ST13: variants seen among roughly 807,000 people sequenced by gnomAD.
ST13 encodes ST13 Hsp70 interacting protein, also known as hsc70-interacting protein.
ST13 carries 23 observed loss-of-function variants against 56.7 expected under a neutral mutation model. That is an observed-to-expected ratio of 0.41 (90% CI 0.29 to 0.57). The LOEUF (loss-of-function observed/expected upper bound fraction) is 0.57. ST13 is among the 20% of genes least tolerant of loss of function. The pLI is 0.36. For synonymous variants in ST13, 132 were observed against 142.4 expected (o/e 0.93, Z 0.52); for missense variants, 369 against 459.9 (o/e 0.80, Z 1.81).
intron 7 of ST13, among the ~76,000 whole-genome samples, chr22:40,834,318 A>G (rs2145735820): frequency 6.6e-6 from 1 of 152,230 alleles, no homozygotes; most frequent in South Asian, 2.1e-4. Flanking sequence ...AAAACTTCCC[A>G]AAAAACCTTC....
intron 5 of ST13, 114 bp downstream of exon 5, chr22:40,840,512 T>C (rs1328557242): frequency 1.1e-5 from 9 of 843,498 alleles, no homozygotes; most frequent in South Asian, 6.5e-5. Flanking sequence ...AATAGGACAC[T>C]ATCTTCTCCA....
intron 10 of ST13, among the ~76,000 whole-genome samples, chr22:40,828,447 A>G (rs1247648291): frequency 2.3e-5 from 2 of 88,332 alleles, no homozygotes; most frequent in Non-Finnish European, 4.2e-5. Flanking sequence ...TACTAAAAAT[A>G]CAAAAAAAAA....
chr22:40,843,853 T>C (rs2057816862), intron 4 of ST13, among the ~76,000 whole-genome samples: 1 of 150,968 alleles, frequency 6.6e-6, no homozygotes, highest in Admixed American at 6.6e-5. Context: ...CATTTAAATA[T>C]GCTCAGCCTC....
At chr22:40,856,056 T>C (rs923073408) in intron 1 of ST13, among the ~76,000 whole-genome samples, 6 of 152,214 alleles carry the variant, frequency 3.9e-5, no homozygotes, top group African/African-American at 1.4e-4. Context: ...AAGGAACTGC[T>C]ATGTACCAAT....
intron 3 of ST13, among the ~76,000 whole-genome samples, chr22:40,845,818 T>C (rs568500830): frequency 2.0e-5 from 3 of 151,560 alleles, no homozygotes; most frequent in African/African-American, 7.3e-5. Flanking sequence ...AAAAAAAAAA[T>C]TTAAAATCAC....
At chr22:40,830,197 T>C (rs548413457) in intron 9 of ST13, among the ~76,000 whole-genome samples, 3 of 152,236 alleles carry the variant, frequency 2.0e-5, no homozygotes, top group Non-Finnish European at 4.4e-5. Flanking sequence ...TAAATTACTT[T>C]TAAAGATTAT....
chr22:40,841,337 T>A (rs2057803658), intron 4 of ST13, among the ~76,000 whole-genome samples: 1 of 151,974 alleles, frequency 6.6e-6, no homozygotes, highest in South Asian at 2.1e-4. Context: ...GTCACTGTAC[T>A]CTAGCCTGGG....
intron 1 of ST13, among the ~76,000 whole-genome samples, chr22:40,853,567 G>A (rs1044043409): frequency 6.6e-6 from 1 of 152,178 alleles, no homozygotes; most frequent in Non-Finnish European, 1.5e-5. Flanking sequence ...AGTAGGACCA[G>A]TGTAGAGACT....
At chr22:40,833,352 G>A (rs1171079295) in intron 7 of ST13, among the ~76,000 whole-genome samples, 2 of 150,308 alleles carry the variant, frequency 1.3e-5, no homozygotes, top group African/African-American at 2.4e-5. Context: ...GGCAGAACGC[G>A]AGGTCAGGAG....
intron 8 of ST13, chr22:40,831,993 C>T (rs951352543): frequency 2.5e-5 from 8 of 318,336 alleles, no homozygotes; most frequent in African/African-American, 8.7e-5. Context: ...GCTGGGACTA[C>T]GTAGGCGCAT....
intron 8 of ST13, 81 bp downstream of exon 8, chr22:40,832,488 T>G (rs2057758539): frequency 9.9e-7 from 1 of 1,014,514 alleles, no homozygotes; most frequent in Non-Finnish European, 1.5e-6. Context: ...GTTTTTCAGA[T>G]GAATTACAGC....
intron 4 of ST13, among the ~76,000 whole-genome samples, chr22:40,842,343 A>G (rs1411743006): frequency 2.0e-5 from 3 of 152,252 alleles, no homozygotes; most frequent in Admixed American, 1.3e-4. Context: ...TACCTTAATG[A>G]GCAAGAGCCA....
chr22:40,853,600 A>C lies in ST13; in HGVS notation c.111-2720T>G, dbSNP rs150690387. ...ACTTTTCTCACATAGGACCACATAA[A>C]ACTTCATTCACATTTCTCTTAATTT... On this transcript the variant is annotated intron_variant, in intron 1 of 11. Coordinates refer to ENST00000216218, the MANE Select transcript of ST13 (RefSeq NM_003932.5). Among the ~76,000 whole-genome samples the C allele has an allele frequency of 4.5e-3, 682 of 152,300 alleles. 4 individuals carry two copies. The highest frequency in any genetic ancestry group is 6.5e-3 in the Admixed American group (100 of 15,300).
At chr22:40,839,684 G>A (rs1055718864) in intron 5 of ST13, among the ~76,000 whole-genome samples, 3 of 151,820 alleles carry the variant, frequency 2.0e-5, no homozygotes, top group Admixed American at 6.6e-5. Flanking sequence ...AGAATTGCTC[G>A]ACTTGGGGTG....
chr22:40,846,944 G>A (rs948454113), intron 3 of ST13, among the ~76,000 whole-genome samples: 8 of 151,940 alleles, frequency 5.3e-5, no homozygotes, highest in Admixed American at 2.0e-4. Flanking sequence ...GCAGTGAGCC[G>A]AAACTGTGCC....
chr22:40,846,729 A>C (rs1392770868), intron 3 of ST13, among the ~76,000 whole-genome samples: 2 of 152,174 alleles, frequency 1.3e-5, no homozygotes, highest in Non-Finnish European at 2.9e-5. Context: ...GTGGTGGCTC[A>C]CACCTGTAAT....
intron 4 of ST13, among the ~76,000 whole-genome samples, chr22:40,842,755 A>C (rs994056485): frequency 3.9e-5 from 6 of 152,200 alleles, no homozygotes; most frequent in Non-Finnish European, 8.8e-5. Flanking sequence ...ACCTAGACAC[A>C]TCATAAAAGA....
intron 1 of ST13, among the ~76,000 whole-genome samples, chr22:40,856,164 T>G (rs2057893216): frequency 6.6e-6 from 1 of 152,144 alleles, no homozygotes; most frequent in South Asian, 2.1e-4. Context: ...TGTCCACGCA[T>G]CCGCAGTCCT....
At chr22:40,836,246 C>T (rs2057776730) in intron 5 of ST13, among the ~76,000 whole-genome samples, 1 of 152,114 alleles carries the variant, frequency 6.6e-6, no homozygotes, top group South Asian at 2.1e-4. Context: ...GTCAGGAGAT[C>T]GAGACCATCC....
Sources: gnomAD v4.1 joint callset for allele counts (sites outside exome capture counted in the v4.1 genomes callset) on GRCh38, gnomAD v4.1.1 for gene constraint, MANE v1.5 for transcripts, NCBI Gene and HGNC (gene_info 2026-07-23, HGNC 2026-07-21) for gene names.